The following BTG2 variants were observed in gnomAD, a reference collection of about 807,000 sequenced individuals.
The protein encoded by BTG2 is protein BTG2.
BTG2 carries 9 observed loss-of-function variants against 13.1 expected under a neutral mutation model. The ratio of observed to expected loss-of-function variants is 0.69; its 90% CI spans 0.41 to 1.20. The LOEUF is 1.20. Among genes scored for constraint, BTG2 ranks in the 50% most tolerant of loss-of-function variants. The pLI is 0.00. For missense variants in BTG2, 200 were observed against 209.5 expected, an observed-to-expected ratio of 0.95 and a Z score of 0.28; for synonymous variants, 92 against 88.6, an observed-to-expected ratio of 1.04 and a Z score of -0.21.
chr1:203,305,819 ACTCCTGCG>A, intron 1 of BTG2, 71 bp downstream of exon 1: 1 of 1,487,202 alleles, frequency 6.7e-7, no homozygotes, highest in African/African-American at 1.4e-5. Flanking sequence ...TCTTTCTTCT[ACTCCTGCG>A]GCAGGGTGAC....
intron 1 of BTG2, among the ~76,000 whole-genome samples, chr1:203,306,885 T>C (rs1464206636): frequency 1.3e-5 from 2 of 149,534 alleles, no homozygotes; most frequent in African/African-American, 2.5e-5. Flanking sequence ...CTCTCTCACA[T>C]ACACTTGTCC....
chr1:203,307,578 G>T lies in BTG2; in HGVS notation c.*140G>T. The T allele has an allele frequency of 4.3e-6, 3 of 701,096 alleles. No individual in the cohort carries two copies. Among genetic ancestry groups the T allele is most frequent in the Middle Eastern group, 4.6e-4 (1 of 2,154 alleles). The allele number at this position is 701,096 out of a possible 1,614,324, so 43.4% of individuals were successfully genotyped here. On this transcript the variant is annotated 3_prime_UTR_variant, in exon 2 of 2. Transcript: ENST00000290551. Reference sequence around the variant, plus strand: ...ATTTTTTTTTAAGAAAGGAGGAAAAGAAACCAAAAGTTTTTTTTAAGAAAA... The same window carrying T: ...ATTTTTTTTTAAGAAAGGAGGAAAATAAACCAAAAGTTTTTTTTAAGAAAA...
chr1:203,305,750 T>C lies in BTG2; in HGVS notation c.142+2T>C. ...GGGCGCTCCAGGAGGCACTCACAGG[T>C]GAGCGCATGCCGAGGGGCCTGGCGC... On this transcript the variant is annotated splice_donor_variant, in intron 1 of 1. Transcript: ENST00000290551. LOFTEE classifies it high-confidence loss of function. 3 of 1,545,306 alleles carry C rather than the reference T, an allele frequency of 1.9e-6. No homozygotes were observed. The highest frequency in any genetic ancestry group is 2.6e-6 in the Non-Finnish European group (3 of 1,144,940).
chr1:203,306,255 G>C (rs1658269528), intron 1 of BTG2, among the ~76,000 whole-genome samples: 1 of 152,300 alleles, frequency 6.6e-6, no homozygotes, highest in African/African-American at 2.4e-5. Flanking sequence ...CTTCAAGTTG[G>C]AATTTGGGCC....
chr1:203,306,960 C>T, intron 1 of BTG2, 144 bp from the exon 2 acceptor site: 1 of 679,324 alleles, frequency 1.5e-6, no homozygotes, highest in Non-Finnish European at 2.5e-6. Flanking sequence ...GAAAGAGGGT[C>T]CTAGAACTCA....
intron 1 of BTG2, among the ~76,000 whole-genome samples, chr1:203,306,059 C>T (rs1658255315): frequency 6.6e-6 from 1 of 152,314 alleles, no homozygotes; most frequent in South Asian, 2.1e-4. Context: ...GGCTCGTCTC[C>T]CTCGCTGGAC....
chr1:203,305,563 A>G lies in BTG2; in HGVS notation c.-44A>G, dbSNP rs1239816460. On this transcript the variant is annotated 5_prime_UTR_variant, in exon 1 of 2. Coordinates refer to ENST00000290551, the MANE Select transcript of BTG2 (RefSeq NM_006763.3). ...GGGTAACGCTGTCTTGTGGACCCGCACTTCCCACCCGAGACCTCTCACTGA... is the reference window on the plus strand; with the variant it reads ...GGGTAACGCTGTCTTGTGGACCCGCGCTTCCCACCCGAGACCTCTCACTGA... The G allele has an allele frequency of 1.0e-5, 16 of 1,576,004 alleles. No homozygotes were observed. The highest frequency in any genetic ancestry group is 1.8e-5 in the Admixed American group (1 of 55,532).
intron 1 of BTG2, among the ~76,000 whole-genome samples, 169 bp downstream of exon 1, chr1:203,305,917 C>A: frequency 6.6e-6 from 1 of 152,292 alleles, no homozygotes; most frequent in South Asian, 2.1e-4. Flanking sequence ...CTGGGTCCTC[C>A]TCCCCAGCCC....
intron 1 of BTG2, among the ~76,000 whole-genome samples, chr1:203,306,819 CA>C (rs1658285975): frequency 1.4e-5 from 2 of 142,806 alleles, no homozygotes; most frequent in East Asian, 4.2e-4. Context: ...CACACACACA[CA>C]CTCTCTCTCT....
At chr1:203,305,783 G>A (rs1658243745) in intron 1 of BTG2, 35 bp downstream of exon 1, 3 of 1,533,980 alleles carry the variant, frequency 2.0e-6, no homozygotes, top group South Asian at 1.2e-5. Flanking sequence ...CGCCACCGGG[G>A]GTCGGCCCCA....
chr1:203,305,795 C>T (rs1488501891), intron 1 of BTG2, 47 bp downstream of exon 1: 28 of 1,527,966 alleles, frequency 1.8e-5, no homozygotes, highest in East Asian at 2.5e-5. Context: ...TCGGCCCCAT[C>T]CCTGCCAGGG....
chr1:203,307,078 A>T, intron 1 of BTG2, 26 bp from the exon 2 acceptor site: 1 of 1,594,260 alleles, frequency 6.3e-7, no homozygotes. Context: ...TAACCAGGGC[A>T]TCTGCCCCTG....
intron 1 of BTG2, 66 bp downstream of exon 1, chr1:203,305,814 C>G (rs951564241): frequency 2.0e-6 from 3 of 1,499,512 alleles, no homozygotes; most frequent in African/African-American, 1.4e-5. Context: ...GGCCGTCTTT[C>G]TTCTACTCCT....
At chr1:203,306,845 CAG>C (rs1658289073) in intron 1 of BTG2, among the ~76,000 whole-genome samples, 5 of 47,162 alleles carry the variant, frequency 1.1e-4, no homozygotes, top group African/African-American at 5.9e-4. Context: ...CACACACACT[CAG>C]TCACACACAC....
chr1:203,305,977 GC>G (rs1658252585), intron 1 of BTG2, among the ~76,000 whole-genome samples: 1 of 152,238 alleles, frequency 6.6e-6, no homozygotes, highest in African/African-American at 2.4e-5. Context: ...GCCCCTCTAC[GC>G]TCTCGGAGGC....
At chr1:203,306,255 G>A (rs1658269528) in intron 1 of BTG2, among the ~76,000 whole-genome samples, 1 of 152,182 alleles carries the variant, frequency 6.6e-6, no homozygotes, top group African/African-American at 2.4e-5. Flanking sequence ...CTTCAAGTTG[G>A]AATTTGGGCC....
intron 1 of BTG2, 60 bp downstream of exon 1, chr1:203,305,808 GTCTT>G: frequency 1.3e-6 from 2 of 1,508,678 alleles, no homozygotes; most frequent in South Asian, 2.5e-5. Flanking sequence ...TGCCAGGGCC[GTCTT>G]TCTTCTACTC....
Position 203,307,414 on chromosome 1 carries a change from C to G in BTG2, c.453C>G (p.Asn151Lys). ...TGGGCCGGAGCAGCCCCTCCAAGAA[C>G]TACGTGATGGCAGTCTCCAGCTAGG... ...VLLGRSSPSK[N>K]YVMAVSS Residue 151 changes from asparagine (N) to lysine (K), a missense_variant, in exon 2 of 2, where the codon AAC becomes AAG. Physicochemically the swap from Asn to Lys is moderately conservative, Grantham distance 94 (BLOSUM62 0). Transcript: ENST00000290551. The G allele has an allele frequency of 6.3e-7, 1 of 1,596,766 alleles. No individual in the cohort carries two copies. The highest frequency in any genetic ancestry group is 8.6e-7 in the Non-Finnish European group (1 of 1,167,552).
At chr1:203,306,320 A>G (rs1658272155) in intron 1 of BTG2, among the ~76,000 whole-genome samples, 2 of 152,080 alleles carry the variant, frequency 1.3e-5, no homozygotes, top group Non-Finnish European at 1.5e-5. Context: ...TGTGGTAGGG[A>G]GGAGAGCCTC....
Sources: gnomAD v4.1 joint callset for allele counts (sites outside exome capture counted in the v4.1 genomes callset) on GRCh38, gnomAD v4.1.1 for gene constraint, MANE v1.5 for transcripts, NCBI Gene and HGNC (gene_info 2026-07-23, HGNC 2026-07-21) for gene names.